PCDHGB3: variants seen among roughly 807,000 people sequenced by gnomAD.
PCDHGB3 encodes the protein protocadherin gamma-B3.
In PCDHGB3, 40 loss-of-function variants were observed where a neutral mutation model predicts 59.2. The ratio of observed to expected loss-of-function variants is 0.68; its 90% CI spans 0.52 to 0.88. The LOEUF (loss-of-function observed/expected upper bound fraction) is 0.88. Among genes scored for constraint, PCDHGB3 ranks in the 40% least tolerant of loss-of-function variants. PCDHGB3 has a pLI of 0.00. For missense variants in PCDHGB3, 1,309 were observed against 1,187.9 expected (o/e 1.10, Z -1.50); for synonymous variants, 581 against 503.6 (o/e 1.15, Z -2.06).
At chr5:141,466,036 G>A (rs981390655) in intron 1 of PCDHGB3, among the ~76,000 whole-genome samples, 17 of 152,064 alleles carry the variant, frequency 1.1e-4, no homozygotes, top group Non-Finnish European at 2.5e-4. Flanking sequence ...GCAGGAGAAC[G>A]GCATGAACCC....
intron 1 of PCDHGB3, chr5:141,413,940 TC>T (rs1190444840): frequency 1.2e-6 from 2 of 1,613,390 alleles, no homozygotes; most frequent in East Asian, 2.2e-5. Context: ...GAGTGAGTGT[TC>T]CTGAGAATTT....
chr5:141,477,568 C>G lies in PCDHGB3; in HGVS notation c.2416-17239C>G. 1 of 1,614,172 alleles carries G rather than the reference C, an allele frequency of 6.2e-7. No individual in the cohort carries two copies. Among genetic ancestry groups the G allele is most frequent in the Non-Finnish European group, 8.5e-7 (1 of 1,180,044 alleles). On this transcript the variant is annotated intron_variant, in intron 1 of 3. Coordinates refer to ENST00000576222, the MANE Select transcript of PCDHGB3 (RefSeq NM_018924.5). The surrounding 1 kb of genome is among the most constrained non-coding windows in gnomAD (Gnocchi z 4.9). ...TACTAAACCTAAGTGTCTGGGACCC[C>G]GACGCCCCGCAGAATGCTCGGCTTT...
At chr5:141,500,475 C>T (rs1193752670) in intron 2 of PCDHGB3, among the ~76,000 whole-genome samples, 1 of 152,024 alleles carries the variant, frequency 6.6e-6, no homozygotes, top group African/African-American at 2.4e-5. Flanking sequence ...TCCCAAAGTG[C>T]TGGGATTACA....
intron 1 of PCDHGB3, among the ~76,000 whole-genome samples, chr5:141,458,809 T>G (rs2098953834): frequency 6.6e-6 from 1 of 152,190 alleles, no homozygotes; most frequent in Non-Finnish European, 1.5e-5. Flanking sequence ...CTCAGCTCAC[T>G]GCAACCTCTG....
At chr5:141,428,188 G>C (rs1023078587) in intron 1 of PCDHGB3, 1 of 1,433,232 alleles carries the variant, frequency 7.0e-7, no homozygotes, top group African/African-American at 1.4e-5. Flanking sequence ...GACAGCCGCC[G>C]CTCTCTGCGC....
Position 141,476,901 on chromosome 5 carries a change from G to A in PCDHGB3, c.2416-17906G>A, listed in dbSNP as rs1466086788. The A allele has an allele frequency of 1.9e-6, 3 of 1,613,782 alleles. No individual in the cohort carries two copies. The African/African-American group carries it at 4.0e-5, about 22-fold the overall frequency. On this transcript the variant is annotated intron_variant, in intron 1 of 3. Coordinates refer to ENST00000576222, the MANE Select transcript of PCDHGB3 (RefSeq NM_018924.5). The surrounding 1 kb of genome is among the most constrained non-coding windows in gnomAD (Gnocchi z 7.6). ...CTGGAGGATGCACCCTCCGGCACGC[G>A]CGTGGTACAAGTCCTTGCAACGGAT...
At chr5:141,450,129 C>T (rs1211301953) in intron 1 of PCDHGB3, among the ~76,000 whole-genome samples, 1 of 151,472 alleles carries the variant, frequency 6.6e-6, no homozygotes, top group African/African-American at 2.4e-5. Context: ...GCCTTAGCCT[C>T]CTGAGTAGCT....
chr5:141,393,169 T>C lies in PCDHGB3; in HGVS notation c.2415+20360T>C, dbSNP rs113280752. 2,582 of 1,613,090 alleles carry C rather than the reference T, an allele frequency of 1.6e-3. 1 individual carries two copies. The highest frequency in any genetic ancestry group is 1.9e-3 in the Non-Finnish European group (2,191 of 1,179,870). On this transcript the variant is annotated intron_variant, in intron 1 of 3. Coordinates refer to ENST00000576222, the MANE Select transcript of PCDHGB3 (RefSeq NM_018924.5). ...GAGGATAAAGGAAAACTCTTTGGGGTAGAAATAGAAATAATTGATATTAAC... is the reference window on the plus strand; with the variant it reads ...GAGGATAAAGGAAAACTCTTTGGGGCAGAAATAGAAATAATTGATATTAAC...
intron 1 of PCDHGB3, chr5:141,478,885 A>G (rs2099483148): frequency 8.4e-7 from 1 of 1,193,320 alleles, no homozygotes; most frequent in East Asian, 2.6e-5. Flanking sequence ...GCTTGGTATC[A>G]TTTACATTAG....
At chr5:141,448,999 GT>G (rs910018882) in intron 1 of PCDHGB3, among the ~76,000 whole-genome samples, 2 of 151,816 alleles carry the variant, frequency 1.3e-5, no homozygotes, top group African/African-American at 4.8e-5. Context: ...ATAGAAAGCT[GT>G]TTTTTTTAAC....
At position 141,405,211 on chromosome 5, in the gene PCDHGB3, T is replaced by G. The variant is rs756004707; in HGVS notation, c.2415+32402T>G. On this transcript the variant is annotated intron_variant, in intron 1 of 3. Coordinates refer to ENST00000576222, the MANE Select transcript of PCDHGB3 (RefSeq NM_018924.5). ...GGGTTCGAGCTTTCCTACAGACCTA[T>G]TCTCAGGAGTTCTCCCTCACCGCTG... The G allele has an allele frequency of 7.4e-6, 12 of 1,613,432 alleles. No homozygotes were observed. In the South Asian group the frequency reaches 1.2e-4, roughly 16 times the overall value.
rs1389286417 is a variant in PCDHGB3 at position 141,432,046 on chromosome 5, C to T, written c.2415+59237C>T. ...CAGTGACCGCCACTGACCGGGGAAC[C>T]CCGCCCCTATCCACGGAAACTCATA... On this transcript the variant is annotated intron_variant, in intron 1 of 3. Transcript: ENST00000576222. This position sits in a 1 kb window ranked among gnomAD's most constrained non-coding sequence, Gnocchi z 6.0. 3.1e-6 allele frequency: 5 copies of T among 1,614,224 alleles called. No homozygotes were observed. The highest frequency in any genetic ancestry group is 2.2e-5 in the East Asian group (1 of 44,886).
chr5:141,373,523 C>CA (rs1248195840), intron 1 of PCDHGB3, among the ~76,000 whole-genome samples: 5 of 151,934 alleles, frequency 3.3e-5, no homozygotes, highest in African/African-American at 7.3e-5. Flanking sequence ...ACTTTGTCTC[C>CA]AAAAAAGTGT....
rs770828917 is a variant in PCDHGB3 at position 141,431,306 on chromosome 5, C to G, written c.2415+58497C>G. ...GAACACTCACTTCTCCCTCATCGTG[C>G]AAAATGGAGCCGACGGTAGTAAGTA... On this transcript the variant is annotated intron_variant, in intron 1 of 3. Transcript: ENST00000576222. The surrounding 1 kb of genome is among the most constrained non-coding windows in gnomAD (Gnocchi z 4.8). 6.2e-7 allele frequency: 1 copy of G among 1,614,124 alleles called. No homozygotes were observed. The highest frequency in any genetic ancestry group is 2.2e-5 in the East Asian group (1 of 44,878).
intron 1 of PCDHGB3, chr5:141,393,233 A>T (rs756421828): frequency 2.7e-5 from 44 of 1,613,664 alleles, no homozygotes; most frequent in Non-Finnish European, 3.4e-5. Context: ...ATCTAGAAGT[A>T]AAAATTAACG....
At chr5:141,458,219 C>T (rs2098940224) in intron 1 of PCDHGB3, among the ~76,000 whole-genome samples, 1 of 152,248 alleles carries the variant, frequency 6.6e-6, no homozygotes, top group African/African-American at 2.4e-5. Flanking sequence ...AATAAGTTTC[C>T]TTTCCCAGTC....
intron 1 of PCDHGB3, chr5:141,405,091 C>G (rs761186505): frequency 8.1e-6 from 13 of 1,613,814 alleles, no homozygotes; most frequent in Non-Finnish European, 1.1e-5. Flanking sequence ...CGCTGCTGGC[C>G]CTCAGGCTGA....
Position 141,476,162 on chromosome 5 carries a change from G to A in PCDHGB3, c.2416-18645G>A. 6.2e-7 allele frequency: 1 copy of A among 1,613,038 alleles called. No homozygotes were observed. Among genetic ancestry groups the A allele is most frequent in the South Asian group, 1.1e-5 (1 of 91,040 alleles). Reference sequence around the variant, plus strand: ...GAGCGGACTGGTAAGCACCGGGAGGGTAGTGGGAGTTTTGCTTCTGCTTGG... The same window carrying A: ...GAGCGGACTGGTAAGCACCGGGAGGATAGTGGGAGTTTTGCTTCTGCTTGG... On this transcript the variant is annotated intron_variant, in intron 1 of 3. Coordinates refer to ENST00000576222, the MANE Select transcript of PCDHGB3 (RefSeq NM_018924.5). The surrounding 1 kb of genome is among the most constrained non-coding windows in gnomAD (Gnocchi z 7.6).
intron 1 of PCDHGB3, chr5:141,389,172 C>T: frequency 3.1e-6 from 5 of 1,614,036 alleles, no homozygotes; most frequent in Non-Finnish European, 4.2e-6. Context: ...CAAGCCTCCC[C>T]TCTCCTCCAG....
Sources: allele counts gnomAD v4.1 joint callset (sites outside exome capture counted in the v4.1 genomes callset), GRCh38; gene constraint gnomAD v4.1.1; non-coding constraint Gnocchi (gnomAD v3.1); transcripts MANE v1.5; gene names NCBI Gene and HGNC (gene_info 2026-07-23, HGNC 2026-07-21).